NFATC1: variants seen among roughly 807,000 people sequenced by gnomAD.
NFATC1 encodes the protein nuclear factor of activated T-cells, cytoplasmic 1.
A neutral mutation model predicts 76.0 loss-of-function variants in NFATC1; 22 were observed. The ratio of observed to expected loss-of-function variants is 0.29; its 90% CI spans 0.21 to 0.41. NFATC1 has a LOEUF of 0.41. Among genes scored for constraint, NFATC1 ranks in the 10% least tolerant of loss-of-function variants. The pLI is 1.00. For synonymous variants in NFATC1, 704 were observed against 613.1 expected, an observed-to-expected ratio of 1.15 and a Z score of -2.19; for missense variants, 1,357 against 1,337.7, an observed-to-expected ratio of 1.01 and a Z score of -0.23.
At chr18:79,483,642 TGGTCCTGGGGTGTAATTCCAG>T (rs1569018330) in intron 8 of NFATC1, among the ~76,000 whole-genome samples, 11 of 138,964 alleles carry the variant, frequency 7.9e-5, no homozygotes, top group African/African-American at 3.1e-4. Flanking sequence ...TGGCGTGACC[TGGTCCTGGGGTGTAATTCCAG>T]CGTGACCTTG....
At chr18:79,451,596 G>A in intron 5 of NFATC1, 80 bp from the exon 6 acceptor site, 2 of 1,403,522 alleles carry the variant, frequency 1.4e-6, no homozygotes, top group Non-Finnish European at 9.3e-7. Context: ...CGGCTCACGT[G>A]TGACCTGCTG....
intron 2 of NFATC1, among the ~76,000 whole-genome samples, chr18:79,428,231 G>T (rs1022552704): frequency 6.6e-6 from 1 of 152,188 alleles, no homozygotes; most frequent in African/African-American, 2.4e-5. Context: ...AAATCAAGGG[G>T]ATGTTGTAGA....
At chr18:79,473,229 C>T (rs1192450239) in intron 8 of NFATC1, among the ~76,000 whole-genome samples, 2 of 152,260 alleles carry the variant, frequency 1.3e-5, no homozygotes, top group East Asian at 3.9e-4. Context: ...GGGCTGGCCC[C>T]ACCTGTGAAC....
rs1231323528 is a variant in NFATC1 at position 79,427,406 on chromosome 18, A to ACGGC, written c.1227-6173_1227-6172insCGGC. On this transcript the variant is annotated intron_variant, in intron 2 of 9. Transcript: ENST00000427363. ...TGTGCAGTGGGTTGGGGGGAGCTGG[A>ACGGC]TGGCTGGCCTCTGTGCGGTGGGTGG... Among the ~76,000 whole-genome samples, 33 of 86,932 alleles carry ACGGC rather than the reference A, an allele frequency of 3.8e-4. 2 individuals carry two copies. The highest frequency in any genetic ancestry group is 6.7e-4 in the Admixed American group (5 of 7,432). The allele number at this position is 86,932 out of a possible 152,430, so 57.0% of individuals were successfully genotyped here.
chr18:79,419,771 G>C (rs2086007511), intron 2 of NFATC1, among the ~76,000 whole-genome samples: 1 of 152,232 alleles, frequency 6.6e-6, no homozygotes, highest in Admixed American at 6.5e-5. Flanking sequence ...TTGAGCAGCG[G>C]GATAGGTGGG....
chr18:79,474,566 G>A (rs1430291598), intron 8 of NFATC1, among the ~76,000 whole-genome samples: 5 of 143,904 alleles, frequency 3.5e-5, no homozygotes, highest in East Asian at 4.2e-4. Flanking sequence ...GTATTCTCAC[G>A]CTGTCGACAT....
At chr18:79,405,624 A>G (rs1402730876) in intron 1 of NFATC1, among the ~76,000 whole-genome samples, 4 of 152,198 alleles carry the variant, frequency 2.6e-5, no homozygotes, top group Non-Finnish European at 5.9e-5. Context: ...CCCTTCTTCT[A>G]GGAGGAACAA....
rs148836657 is a variant in NFATC1, at chr18:79,446,971, C to T, written c.1387-1811C>T. Among the ~76,000 whole-genome samples, 296 of 152,354 alleles carry T rather than the reference C, an allele frequency of 1.9e-3. 1 individual carries two copies. The highest frequency in any genetic ancestry group is 6.6e-3 in the African/African-American group (275 of 41,584). ...ACCTGGGTCCCGGCTCAGCCTCACG[C>T]GGCGTCCCAGTCCCTGCCCATCAGT... On this transcript the variant is annotated intron_variant, in intron 3 of 9. Coordinates refer to ENST00000427363, the MANE Select transcript of NFATC1 (RefSeq NM_001278669.2).
chr18:79,455,880 G>A (rs1364401495), intron 6 of NFATC1, among the ~76,000 whole-genome samples: 3 of 152,192 alleles, frequency 2.0e-5, no homozygotes, highest in Non-Finnish European at 2.9e-5. Context: ...TGCAGGAGAC[G>A]CAGGCTAGGT....
At chr18:79,490,893 G>C (rs1200744430) in intron 9 of NFATC1, among the ~76,000 whole-genome samples, 1 of 152,174 alleles carries the variant, frequency 6.6e-6, no homozygotes, top group Admixed American at 6.5e-5. Context: ...CATAAACGAG[G>C]TCAGGGCCTG....
chr18:79,511,419 G>C (rs2090250458), intron 9 of NFATC1, among the ~76,000 whole-genome samples: 1 of 152,160 alleles, frequency 6.6e-6, no homozygotes, highest in Non-Finnish European at 1.5e-5. Context: ...GCAAACAGCA[G>C]GTTCTGCCGG....
intron 8 of NFATC1, among the ~76,000 whole-genome samples, chr18:79,485,988 T>C (rs953104754): frequency 2.6e-5 from 4 of 152,170 alleles, no homozygotes; most frequent in Non-Finnish European, 5.9e-5. Context: ...CCACTGCAGT[T>C]TGCAAGTGGA....
intron 1 of NFATC1, chr18:79,409,981 A>G (rs1334114855): frequency 1.3e-5 from 7 of 533,420 alleles, no homozygotes; most frequent in African/African-American, 7.6e-5. Context: ...GGGGTGGTTG[A>G]GGAAGGTGGT....
chr18:79,492,674 A>G (rs536619451), intron 9 of NFATC1, among the ~76,000 whole-genome samples: 2 of 149,492 alleles, frequency 1.3e-5, no homozygotes, highest in Non-Finnish European at 3.0e-5. Context: ...GCGCCACTGC[A>G]CTCCAGCCTG....
Position 79,448,926 on chromosome 18 carries a change from C to T in NFATC1, c.1531C>T (p.Leu511Phe), listed in dbSNP as rs2087336258. 6.2e-7 allele frequency: 1 copy of T among 1,613,822 alleles called. No homozygotes were observed. Among genetic ancestry groups the T allele is most frequent in the Non-Finnish European group, 8.5e-7 (1 of 1,180,046 alleles). ...TVSTTSHEAILSNTKVLEIPL... is the reference protein window; with the variant it reads ...TVSTTSHEAIFSNTKVLEIPL... ...GTCCACCACCAGCCACGAGGCCATC[C>T]TCTCCAACACCAAAGTCCTGGAGAT... Residue 511 changes from leucine (L) to phenylalanine (F), a missense_variant, in exon 4 of 10, where the codon CTC becomes TTC. Leu to Phe is a conservative substitution (Grantham distance 22). This residue lies in a region of NFATC1 where 242 missense variants were observed against 329.2 expected (regional missense o/e 0.74). Transcript: ENST00000427363.
At position 79,432,301 on chromosome 18, in the gene NFATC1, G is replaced by A. The variant is rs1027453105; in HGVS notation, c.1227-1278G>A. Among the ~76,000 whole-genome samples the A allele has an allele frequency of 3.2e-4, 49 of 152,402 alleles. 1 individual carries two copies. Among genetic ancestry groups the A allele is most frequent in the African/African-American group, 1.1e-3 (47 of 41,604 alleles). On this transcript the variant is annotated intron_variant, in intron 2 of 9. Coordinates refer to ENST00000427363, the MANE Select transcript of NFATC1 (RefSeq NM_001278669.2). ...TGTGGAGGGTGACCTCAGGAGCCCCGGCCCACGGTGCTCGGGGTGAGCCTG... is the reference window on the plus strand; with the variant it reads ...TGTGGAGGGTGACCTCAGGAGCCCCAGCCCACGGTGCTCGGGGTGAGCCTG...
chr18:79,396,444 G>A lies in NFATC1; in HGVS notation c.127+93G>A, dbSNP rs2085006895. 6 of 875,510 alleles carry A rather than the reference G, an allele frequency of 6.9e-6. No homozygotes were observed. The South Asian group carries it at 2.2e-4, about 33-fold the overall frequency. The allele number at this position is 875,510 out of a possible 1,614,324, so 54.2% of individuals were successfully genotyped here. A position where few individuals can be genotyped will look rare whatever the true frequency, so the allele number is the denominator to read the frequency against. Reference sequence around the variant, plus strand: ...CCCGCCCCCGTCGCCCGCACGGAGGGGTCCGGGCCAGAGAACGAGGTCGGC... The same window carrying A: ...CCCGCCCCCGTCGCCCGCACGGAGGAGTCCGGGCCAGAGAACGAGGTCGGC... On this transcript the variant is annotated intron_variant, in intron 1 of 9. Transcript: ENST00000427363.
chr18:79,521,043 G>T (rs1440531350), intron 9 of NFATC1, among the ~76,000 whole-genome samples: 3 of 114,738 alleles, frequency 2.6e-5, no homozygotes, highest in Admixed American at 9.1e-5. Flanking sequence ...GTATGGGGGT[G>T]GGAGCATCCA....
chr18:79,520,214 G>A (rs971759408), intron 9 of NFATC1, among the ~76,000 whole-genome samples: 3 of 138,728 alleles, frequency 2.2e-5, no homozygotes, highest in Non-Finnish European at 3.3e-5. Flanking sequence ...CCCCCGCTGC[G>A]CTGCCGGGAG....
Sources: gnomAD v4.1 joint callset for allele counts (sites outside exome capture counted in the v4.1 genomes callset) on GRCh38, gnomAD v4.1.1 for gene constraint, gnomAD v4.1.1 regional missense constraint, MANE v1.5 for transcripts, NCBI Gene and HGNC (gene_info 2026-07-23, HGNC 2026-07-21) for gene names.